FAAP20: variants seen among roughly 807,000 people sequenced by gnomAD.
The protein encoded by FAAP20 is FA core complex associated protein 20, also known as Fanconi anemia core complex-associated protein 20.
In FAAP20, 12 loss-of-function variants were observed where a neutral mutation model predicts 16.2. That is an observed-to-expected ratio of 0.74 (90% CI 0.48 to 1.20). The LOEUF is 1.20. FAAP20 is among the 50% of genes most tolerant of loss of function. The probability of loss-of-function intolerance (pLI) is 0.00; values close to 1 mark genes in which losing one functional copy is unlikely to be tolerated. For synonymous variants in FAAP20, 141 were observed against 110.7 expected (o/e 1.27, Z -1.72); for missense variants, 288 against 245.8 (o/e 1.17, Z -1.15).
At chr1:2,205,406 C>G (rs963110121) in intron 3 of FAAP20, among the ~76,000 whole-genome samples, 4 of 149,886 alleles carry the variant, frequency 2.7e-5, no homozygotes, top group Non-Finnish European at 5.9e-5. Flanking sequence ...CCGTGAGCCC[C>G]GCGAGGGGAG....
chr1:2,189,283 G>C (rs1311240080), downstream of FAAP20, among the ~76,000 whole-genome samples: 3 of 132,022 alleles, frequency 2.3e-5, no homozygotes, highest in Non-Finnish European at 3.2e-5. Flanking sequence ...AATGAGCCGT[G>C]ATTGCACCAC....
At chr1:2,199,058 G>A (rs528798115), upstream of FAAP20, 30 of 1,227,038 alleles carry the variant, frequency 2.4e-5, no homozygotes, top group South Asian at 4.1e-4. The surrounding 1 kb of genome is among the most constrained non-coding windows in gnomAD (Gnocchi z 4.5). Flanking sequence ...CTCAGTGGCG[G>A]GGTCATGGCA....
At chr1:2,209,633 C>G (rs1271529388), downstream of FAAP20, among the ~76,000 whole-genome samples, 3 of 152,250 alleles carry the variant, frequency 2.0e-5, no homozygotes, top group East Asian at 5.8e-4. Context: ...GCGGGGACAG[C>G]TGGATCCTGA....
At chr1:2,185,528 C>G, downstream of FAAP20, 2 of 715,262 alleles carry the variant, frequency 2.8e-6, no homozygotes, top group Non-Finnish European at 5.2e-6. Context: ...GGGGACACAC[C>G]GCAATCAAGA....
chr1:2,206,319 G>T (rs1689258511), exon 3 of FAAP20: 1 of 152,414 alleles, frequency 6.6e-6, no homozygotes, highest in Non-Finnish European at 1.5e-5. Flanking sequence ...TGGAGGGAGT[G>T]GCCCAGCTCT....
upstream of FAAP20, chr1:2,203,504 G>A (rs112620603): frequency 9.6e-4 from 946 of 985,296 alleles, 10 homozygotes; most frequent in African/African-American, 0.016. Flanking sequence ...TTGGCCTGGC[G>A]CTGACCTGTG....
exon 3 of FAAP20, chr1:2,206,344 C>G (rs1689259091): frequency 1.3e-5 from 2 of 152,360 alleles, no homozygotes; most frequent in Admixed American, 1.3e-4. Context: ...GCCTTTGCCA[C>G]CCGGCGTCCT....
downstream of FAAP20, among the ~76,000 whole-genome samples, chr1:2,189,023 A>C (rs534279280): frequency 6.2e-4 from 87 of 140,534 alleles, no homozygotes; most frequent in Middle Eastern, 3.9e-3. Flanking sequence ...AAAAAAAAAA[A>C]AAAAACAAAA....
At chr1:2,212,653 A>C, upstream of FAAP20, 1 of 227,732 alleles carries the variant, frequency 4.4e-6, no homozygotes, top group South Asian at 4.9e-5. Context: ...GGGTGGGTAA[A>C]AATAGCAAAC....
rs571448225 is a variant in FAAP20, at chr1:2,205,572, C to A, written n.451+733G>T. Among the ~76,000 whole-genome samples, 319 of 152,240 alleles carry A rather than the reference C, an allele frequency of 2.1e-3. 1 individual carries two copies. The highest frequency in any genetic ancestry group is 7.3e-3 in the African/African-American group (302 of 41,578). On this transcript the variant is annotated intron_variant and non_coding_transcript_variant, in intron 3 of 7. Coordinates refer to the FAAP20 transcript ENST00000469733. Reference sequence around the variant, plus strand: ...GCGGGGGGTTCTGAGCGTGCAGTCGCCGCCTGCGGACGGCGAAGGGGCGGG... The same window carrying A: ...GCGGGGGGTTCTGAGCGTGCAGTCGACGCCTGCGGACGGCGAAGGGGCGGG...
chr1:2,201,394 T>G (rs531698111), upstream of FAAP20, among the ~76,000 whole-genome samples: 9 of 152,288 alleles, frequency 5.9e-5, no homozygotes, highest in South Asian at 1.7e-3. Flanking sequence ...AGGTCTTCTT[T>G]GTTCATCTGG....
upstream of FAAP20, chr1:2,199,297 C>T (rs1051033341): frequency 3.8e-6 from 4 of 1,060,424 alleles, no homozygotes; most frequent in South Asian, 2.6e-5. This position sits in a 1 kb window ranked among gnomAD's most constrained non-coding sequence, Gnocchi z 4.5. Flanking sequence ...CCCCACGTGT[C>T]GGGCTCAGCT....
At chr1:2,202,290 A>C (rs984877182), upstream of FAAP20, among the ~76,000 whole-genome samples, 1 of 152,082 alleles carries the variant, frequency 6.6e-6, no homozygotes, top group African/African-American at 2.4e-5. Context: ...CATATGTGCC[A>C]CCGGACCCCA....
intron 3 of FAAP20, chr1:2,192,281 C>T (rs942395218): frequency 1.0e-6 from 1 of 986,348 alleles, no homozygotes; most frequent in Non-Finnish European, 1.2e-6. Flanking sequence ...GGGTGAGTTC[C>T]GGTTCCAAAG....
At chr1:2,191,252 C>T (rs1688187839) in intron 3 of FAAP20, 1 of 152,496 alleles carries the variant, frequency 6.6e-6, no homozygotes. Flanking sequence ...GGCGGAAGAG[C>T]TTTGTCCTGG....
At chr1:2,186,178 C>T, downstream of FAAP20, 1 of 411,958 alleles carries the variant, frequency 2.4e-6, no homozygotes, top group Non-Finnish European at 5.0e-6. Context: ...CCACGCAGCC[C>T]TCTTGGCCAG....
chr1:2,184,669 C>G (rs140890348), downstream of FAAP20: 1 of 1,613,836 alleles, frequency 6.2e-7, no homozygotes, highest in Non-Finnish European at 8.5e-7. Context: ...AGTTCACCAG[C>G]GAGCCCGTGC....
chr1:2,188,297 C>T (rs948353613), downstream of FAAP20, among the ~76,000 whole-genome samples: 1 of 152,208 alleles, frequency 6.6e-6, no homozygotes, highest in Non-Finnish European at 1.5e-5. Flanking sequence ...CTGGGTGAAC[C>T]AGATGCCCAC....
chr1:2,201,878 G>C (rs547840549), upstream of FAAP20, among the ~76,000 whole-genome samples: 5 of 151,494 alleles, frequency 3.3e-5, no homozygotes, highest in African/African-American at 9.7e-5. Flanking sequence ...TTAGCTGGGC[G>C]TGCTGGTGGG....
Sources: allele counts gnomAD v4.1 joint callset (sites outside exome capture counted in the v4.1 genomes callset), GRCh38; gene constraint gnomAD v4.1.1; non-coding constraint Gnocchi (gnomAD v3.1); transcripts MANE v1.5; gene names NCBI Gene and HGNC (gene_info 2026-07-23, HGNC 2026-07-21).